FBXL16: variants seen among roughly 807,000 people sequenced by gnomAD.
FBXL16 encodes the protein F-box/LRR-repeat protein 16.
A neutral mutation model predicts 36.7 loss-of-function variants in FBXL16; 7 were observed. The observed-to-expected ratio is 0.19, with a 90% CI of 0.11 to 0.36. The LOEUF (loss-of-function observed/expected upper bound fraction) is 0.36, where lower values mean the gene tolerates loss of function less well. FBXL16 is among the 10% of genes least tolerant of loss of function. The probability of loss-of-function intolerance (pLI) is 1.00; values close to 1 mark genes in which losing one functional copy is unlikely to be tolerated. For missense variants in FBXL16, 463 were observed against 659.4 expected (o/e 0.70, Z 3.26); for synonymous variants, 355 against 308.7 (o/e 1.15, Z -1.57).
At chr16:698,913 CAAAAAAA>C (rs767619638) in intron 1 of FBXL16, among the ~76,000 whole-genome samples, 4 of 89,738 alleles carry the variant, frequency 4.5e-5, no homozygotes, top group African/African-American at 1.2e-4. Context: ...GACTTTGTCT[CAAAAAAA>C]AAAAAAAAAA....
chr16:695,781 G>A lies in FBXL16; in HGVS notation c.776C>T (p.Ala259Val). Residue 259 changes from alanine (A) to valine (V), a missense_variant, in exon 3 of 6, where the codon GCC (alanine) becomes GTC (valine). Around this residue, in one of 3 missense-constraint regions of FBXL16, gnomAD observed 66 missense variants for 146.3 expected, o/e 0.45. Transcript: ENST00000397621. ...CAGCAGCTGCGAGATGGCCGCGATGGCGTCGTCGGCCACGTTGATGCAGTC... is the reference window on the plus strand; with the variant it reads ...CAGCAGCTGCGAGATGGCCGCGATGACGTCGTCGGCCACGTTGATGCAGTC... ...VSDCINVADDAIAAISQLLPN... is the reference protein window; with the variant it reads ...VSDCINVADDVIAAISQLLPN... 6.2e-7 allele frequency: 1 copy of A among 1,605,774 alleles called. No individual in the cohort carries two copies. The highest frequency in any genetic ancestry group is 8.5e-7 in the Non-Finnish European group (1 of 1,178,240).
At chr16:703,204 T>A (rs901937914) in intron 1 of FBXL16, among the ~76,000 whole-genome samples, 1 of 152,200 alleles carries the variant, frequency 6.6e-6, no homozygotes, top group Non-Finnish European at 1.5e-5. Context: ...CTCCAAGTAC[T>A]GCCCTCATCC....
At chr16:704,974 G>C (rs2040081159) in intron 1 of FBXL16, among the ~76,000 whole-genome samples, 2 of 152,194 alleles carry the variant, frequency 1.3e-5, no homozygotes, top group Non-Finnish European at 1.5e-5. Flanking sequence ...CTCCAACCTT[G>C]GCCAAGGCCC....
In FBXL16 at chr16:696,791, G is replaced by C. The variant is rs950226493; in HGVS notation, c.615C>G (p.Ile205Met). 9 of 1,283,368 alleles carry C rather than the reference G, an allele frequency of 7.0e-6. No individual in the cohort carries two copies. Among genetic ancestry groups the C allele is most frequent in the African/African-American group, 6.7e-5 (2 of 30,020 alleles). 79.5% of individuals were successfully genotyped at this position (1,283,368 alleles called of 1,614,324 possible). A position where few individuals can be genotyped will look rare whatever the true frequency, so the allele number is the denominator to read the frequency against. The change falls in exon 2 of 6, where the codon ATC (isoleucine) becomes ATG (methionine). Residue 205 changes from isoleucine to methionine, a missense_variant. Transcript: ENST00000397621. ...TGCACACCTCGAGGCCTGCGTCCGTGATGGTGGAGCGCTTGAGGCTCATGG... is the reference window on the plus strand; with the variant it reads ...TGCACACCTCGAGGCCTGCGTCCGTCATGGTGGAGCGCTTGAGGCTCATGG... ...VKAMSLKRST[I>M]TDAGLEVMLE...
chr16:703,480 G>A (rs2040070755), intron 1 of FBXL16, among the ~76,000 whole-genome samples: 1 of 152,216 alleles, frequency 6.6e-6, no homozygotes, highest in South Asian at 2.1e-4. Flanking sequence ...CAGGGCCCTG[G>A]TGGCCAGAGA....
At chr16:694,840 TG>T in intron 4 of FBXL16, 143 bp from the exon 5 acceptor site, 2 of 1,261,646 alleles carry the variant, frequency 1.6e-6, no homozygotes, top group Non-Finnish European at 1.1e-6. Flanking sequence ...GAAGTGCTCG[TG>T]GGGGCCGCCG....
At chr16:700,937 G>A (rs974058303) in intron 1 of FBXL16, among the ~76,000 whole-genome samples, 1 of 152,232 alleles carries the variant, frequency 6.6e-6, no homozygotes, top group African/African-American at 2.4e-5. Flanking sequence ...GGCGAAGAGT[G>A]GGGGAGAAGC....
rs563131988 is a variant in FBXL16, at chr16:697,126, G to A, written c.280C>T (p.Pro94Ser). ...LAPGHPAERP[P>S]LATDEKILNG... is the part of the protein sequence containing the mutation. ...AGGATCTTCTCGTCCGTGGCCAGCG[G>A]CGGCCGCTCCGCTGGGTGCCCAGGT... The change falls in exon 2 of 6, where the codon CCG (proline) becomes TCG (serine). Residue 94 changes from proline (P) to serine (S), a missense_variant. Pro to Ser is a moderately conservative substitution (Grantham distance 74, BLOSUM62 -1). Around this residue, in one of 3 missense-constraint regions of FBXL16, gnomAD observed 263 missense variants for 341.1 expected, o/e 0.77. Coordinates refer to ENST00000397621, the MANE Select transcript of FBXL16 (RefSeq NM_153350.4). The surrounding 1 kb of genome is among the most constrained non-coding windows in gnomAD (Gnocchi z 4.6). The A allele has an allele frequency of 6.2e-7, 1 of 1,605,450 alleles. No individual in the cohort carries two copies. Among genetic ancestry groups the A allele is most frequent in the African/African-American group, 1.3e-5 (1 of 74,838 alleles).
At chr16:702,701 C>T (rs748706674) in intron 1 of FBXL16, among the ~76,000 whole-genome samples, 3 of 152,156 alleles carry the variant, frequency 2.0e-5, no homozygotes, top group Admixed American at 6.5e-5. Flanking sequence ...CCAGTGTCCG[C>T]GGGGAGAGTG....
At chr16:694,781 G>T in intron 4 of FBXL16, 84 bp from the exon 5 acceptor site, 1 of 1,442,050 alleles carries the variant, frequency 6.9e-7, no homozygotes, top group Non-Finnish European at 9.5e-7. Flanking sequence ...GGCTAGGCGG[G>T]TTCAAGCCCG....
At chr16:699,273 G>C (rs1048008465) in intron 1 of FBXL16, among the ~76,000 whole-genome samples, 2 of 152,212 alleles carry the variant, frequency 1.3e-5, no homozygotes, top group African/African-American at 4.8e-5. Flanking sequence ...GAGCAGTCCC[G>C]GGCACCCTCC....
chr16:705,040 C>A (rs982876868), intron 1 of FBXL16, among the ~76,000 whole-genome samples: 5 of 152,200 alleles, frequency 3.3e-5, no homozygotes. Flanking sequence ...CCTCCTCCCG[C>A]GGGCAGTAGC....
Position 697,418 on chromosome 16 carries a change from C to G in FBXL16, c.-13G>C. ...CCGGGCTCGACATCTTCCTGGCACG[C>G]TCTGTGGATGAGGGCCGGGAGGGGG... On this transcript the variant is annotated splice_region_variant and 5_prime_UTR_variant, in exon 2 of 6. Coordinates refer to ENST00000397621, the MANE Select transcript of FBXL16 (RefSeq NM_153350.4). This position sits in a 1 kb window ranked among gnomAD's most constrained non-coding sequence, Gnocchi z 4.6. 1 of 1,528,142 alleles carries G rather than the reference C, an allele frequency of 6.5e-7. No homozygotes were observed. The highest frequency in any genetic ancestry group is 2.5e-5 in the East Asian group (1 of 40,810). The allele number at this position is 1,528,142 out of a possible 1,614,324, so 94.7% of individuals were successfully genotyped here. A position where few individuals can be genotyped will look rare whatever the true frequency, so the allele number is the denominator to read the frequency against.
At chr16:694,776 G>A in intron 4 of FBXL16, 79 bp from the exon 5 acceptor site, 1 of 1,473,304 alleles carries the variant, frequency 6.8e-7, no homozygotes, top group East Asian at 2.5e-5. Context: ...TGGAGGGCTA[G>A]GCGGGTTCAA....
In FBXL16 at chr16:697,272, C is replaced by T. The variant is rs989230796; in HGVS notation, c.134G>A (p.Arg45His). The T allele has an allele frequency of 9.2e-6, 14 of 1,518,592 alleles. No individual in the cohort carries two copies. The highest frequency in any genetic ancestry group is 2.8e-5 in the African/African-American group (2 of 72,366). The allele number at this position is 1,518,592 out of a possible 1,614,324, so 94.1% of individuals were successfully genotyped here. A position where few individuals can be genotyped will look rare whatever the true frequency, so the allele number is the denominator to read the frequency against. ...GGGTGGGGGTGGTGGCTGGCAGGGG[C>T]GGTTCTTGGTGGCTGGCGTGCCCTT... ...ITKGTPATKN[R>H]PCQPPPPPTL... Residue 45 changes from arginine to histidine, a missense_variant, in exon 2 of 6, where the codon CGC becomes CAC. This residue lies in a region of FBXL16 where 263 missense variants were observed against 341.1 expected (regional missense o/e 0.77). Transcript: ENST00000397621. This position sits in a 1 kb window ranked among gnomAD's most constrained non-coding sequence, Gnocchi z 4.6.
At chr16:702,193 C>T (rs115713270) in intron 1 of FBXL16, among the ~76,000 whole-genome samples, 5,745 of 152,252 alleles carry the variant, frequency 0.038, 381 homozygotes, top group African/African-American at 0.13. Context: ...AGCTCCGGCC[C>T]CTTCCCAGCC....
Position 695,052 on chromosome 16 carries a change from G to A in FBXL16, c.1167C>T (p.Gly389=). ...ACGACATGGTGGACAGATAGCTGAG[G>A]CCAGTGTCCGTGATGCGTACACACC... The part of the protein sequence containing the change: ...LDRCVRITDT[G]LSYLSTMSSL... Residue 389 remains glycine, a synonymous_variant, in exon 4 of 6, where the codon GGC becomes GGT. Coordinates refer to ENST00000397621, the MANE Select transcript of FBXL16 (RefSeq NM_153350.4). 4 of 1,602,460 alleles carry A rather than the reference G, an allele frequency of 2.5e-6. No homozygotes were observed. The South Asian group carries it at 3.3e-5, about 13-fold the overall frequency.
At chr16:701,531 G>C (rs1278282630) in intron 1 of FBXL16, among the ~76,000 whole-genome samples, 1 of 152,256 alleles carries the variant, frequency 6.6e-6, no homozygotes, top group Admixed American at 6.5e-5. Context: ...ACTGGAGACT[G>C]GGGTCTCTCT....
chr16:693,735 C>G lies in FBXL16; in HGVS notation c.*540G>C, dbSNP rs2039988092. 1 of 153,072 alleles carries G rather than the reference C, an allele frequency of 6.5e-6. No homozygotes were observed. Among genetic ancestry groups the G allele is most frequent in the Non-Finnish European group, 1.5e-5 (1 of 68,470 alleles). 9.5% of individuals were successfully genotyped at this position (153,072 alleles called of 1,614,324 possible). On this transcript the variant is annotated 3_prime_UTR_variant, in exon 6 of 6. Coordinates refer to ENST00000397621, the MANE Select transcript of FBXL16 (RefSeq NM_153350.4). ...GTTTCCCCTGACACCCCTCGGAGGG[C>G]TCCAGGTATGGTGCGGTGGAAGATG...
Sources: gnomAD v4.1 joint callset for allele counts (sites outside exome capture counted in the v4.1 genomes callset) on GRCh38, gnomAD v4.1.1 for gene constraint, gnomAD v4.1.1 regional missense constraint, Gnocchi (gnomAD v3.1) non-coding constraint, MANE v1.5 for transcripts, NCBI Gene and HGNC (gene_info 2026-07-23, HGNC 2026-07-21) for gene names.